Variants in ERG observed in about 807,000 individuals in gnomAD.
The protein encoded by ERG is ETS transcription factor ERG.
A neutral mutation model predicts 55.3 loss-of-function variants in ERG; 9 were observed. The observed-to-expected ratio is 0.16, with a 90% CI of 0.10 to 0.28. The LOEUF is 0.28. Among genes scored for constraint, ERG ranks in the 10% least tolerant of loss-of-function variants. The pLI, the probability that ERG is intolerant of heterozygous loss-of-function variation, is 1.00. For missense variants in ERG, 434 were observed against 631.6 expected (o/e 0.69, Z 3.35); for synonymous variants, 223 against 237.3 (o/e 0.94, Z 0.55).
chr21:38,597,736 T>C (rs2060140898), intron 1 of ERG, among the ~76,000 whole-genome samples: 1 of 152,122 alleles, frequency 6.6e-6, no homozygotes, highest in African/African-American at 2.4e-5. Context: ...AAGTCCTTCC[T>C]TCCTGAAGGG....
At chr21:38,368,335 A>T in the ERG span, among the ~76,000 whole-genome samples, 6 of 152,292 alleles carry the variant, frequency 3.9e-5, no homozygotes, top group Admixed American at 2.6e-4. Context: ...AAATGGAACC[A>T]TATCATATAT....
At chr21:38,621,313 G>A (rs567228227) in intron 1 of ERG, among the ~76,000 whole-genome samples, 48 of 152,316 alleles carry the variant, frequency 3.2e-4, no homozygotes, top group African/African-American at 1.1e-3. Flanking sequence ...AGTAGAGAGC[G>A]CACTTTCCTC....
At chr21:38,585,532 C>CTTTTTTTTTTTTTTTTTTTTTTTT (rs760791568), upstream of ERG, among the ~76,000 whole-genome samples, 87 of 59,274 alleles carry the variant, frequency 1.5e-3, 26 homozygotes, top group Non-Finnish European at 2.0e-3. Flanking sequence ...TCTCTCTCTT[C>CTTTTTTTTTTTTTTTTTTTTTTTT]TTTTTTTTTT....
downstream of ERG, among the ~76,000 whole-genome samples, chr21:38,379,069 T>A (rs2146402582): frequency 6.6e-6 from 1 of 152,344 alleles, no homozygotes; most frequent in South Asian, 2.1e-4. Context: ...TCACATGTGC[T>A]GCTGCTCCAT....
chr21:38,378,023 A>G (rs996685217), downstream of ERG, among the ~76,000 whole-genome samples: 3 of 152,352 alleles, frequency 2.0e-5, no homozygotes, highest in South Asian at 6.2e-4. Flanking sequence ...TTAATCTCCA[A>G]GCAGACTGGA....
intron 3 of ERG, 140 bp from the exon 4 acceptor site, chr21:38,403,849 A>T (rs1988633278): frequency 2.7e-6 from 2 of 730,828 alleles, no homozygotes; most frequent in Non-Finnish European, 4.6e-6. Context: ...GCTACCCAGG[A>T]GAACATTTTG....
At chr21:38,438,586 T>C (rs1057360559) in intron 2 of ERG, among the ~76,000 whole-genome samples, 6 of 152,220 alleles carry the variant, frequency 3.9e-5, no homozygotes, top group Non-Finnish European at 8.8e-5. Context: ...GAGTTATTCA[T>C]GGCATGCAAT....
intron 3 of ERG, among the ~76,000 whole-genome samples, chr21:38,416,789 CAG>C (rs1989299554): frequency 6.6e-6 from 1 of 152,184 alleles, no homozygotes; most frequent in Non-Finnish European, 1.5e-5. Context: ...GCTCCCTTGA[CAG>C]GGCAGATTTT....
At chr21:38,455,875 C>T (rs889509424) in intron 1 of ERG, among the ~76,000 whole-genome samples, 1 of 150,460 alleles carries the variant, frequency 6.6e-6, no homozygotes, top group African/African-American at 2.4e-5. Flanking sequence ...CGGTCCCCCC[C>T]CTCCCCACAG....
rs138788606 is a variant in ERG at position 38,467,619 on chromosome 21, C to T, written c.19-21998G>A. On this transcript the variant is annotated intron_variant, in intron 1 of 9. Coordinates refer to ENST00000288319, the MANE Select transcript of ERG (RefSeq NM_182918.4). Reference sequence around the variant, plus strand: ...AACTGTACATGTGCTCTTGTTAAATCGCCAGTTTCAGAGGACTCAGATCTG... The same window carrying T: ...AACTGTACATGTGCTCTTGTTAAATTGCCAGTTTCAGAGGACTCAGATCTG... Among the ~76,000 whole-genome samples, 11 of 152,230 alleles carry T rather than the reference C, an allele frequency of 7.2e-5. No individual in the cohort carries two copies. The East Asian group carries it at 1.5e-3, about 21-fold the overall frequency.
At chr21:38,459,611 G>A (rs1048680709) in intron 1 of ERG, among the ~76,000 whole-genome samples, 2 of 152,186 alleles carry the variant, frequency 1.3e-5, no homozygotes, top group East Asian at 1.9e-4. Context: ...CCAGGGGTGT[G>A]GGACTGAGTC....
intron 2 of ERG, among the ~76,000 whole-genome samples, chr21:38,539,422 T>A (rs560128225): frequency 2.6e-4 from 39 of 152,354 alleles, no homozygotes; most frequent in Admixed American, 1.1e-3. Context: ...TTCAGATATA[T>A]CCTGGGAGAT....
At chr21:38,368,734 A>G in the ERG span, among the ~76,000 whole-genome samples, 3 of 152,168 alleles carry the variant, frequency 2.0e-5, no homozygotes, top group South Asian at 2.1e-4. Context: ...CCTAGTACCC[A>G]TAAGTTATTT....
chr21:38,607,278 C>T (rs2060201802), intron 1 of ERG, among the ~76,000 whole-genome samples: 1 of 152,020 alleles, frequency 6.6e-6, no homozygotes, highest in South Asian at 2.1e-4. Flanking sequence ...AATTAAAGAG[C>T]TATTAGAGTA....
At chr21:38,597,805 T>TA (rs1381420283) in intron 1 of ERG, among the ~76,000 whole-genome samples, 4 of 152,096 alleles carry the variant, frequency 2.6e-5, no homozygotes, top group African/African-American at 4.8e-5. Flanking sequence ...GTGCACAGAG[T>TA]AAATTACCAA....
At chr21:38,551,820 T>C (rs191829545) in intron 2 of ERG, among the ~76,000 whole-genome samples, 203 of 152,298 alleles carry the variant, frequency 1.3e-3, no homozygotes, top group Non-Finnish European at 2.5e-3. Context: ...ATTGTGTCGT[T>C]GTTGGGTGCA....
chr21:38,549,104 C>T (rs2059807428), intron 2 of ERG, among the ~76,000 whole-genome samples: 1 of 151,950 alleles, frequency 6.6e-6, no homozygotes, highest in Admixed American at 6.6e-5. Context: ...CAGAGCAAGA[C>T]TCTGTCTCAA....
At chr21:38,624,941 T>C (rs1032752343) in intron 1 of ERG, among the ~76,000 whole-genome samples, 4 of 152,168 alleles carry the variant, frequency 2.6e-5, no homozygotes, top group Admixed American at 2.6e-4. Flanking sequence ...ACCTGGCACA[T>C]AGAAAATTTT....
upstream of ERG, among the ~76,000 whole-genome samples, chr21:38,502,787 C>T (rs949631077): frequency 4.8e-5 from 7 of 145,942 alleles, no homozygotes; most frequent in South Asian, 2.1e-4. Context: ...AGTGCAGTGG[C>T]GTGATCTCAG....
Sources: allele counts gnomAD v4.1 joint callset (sites outside exome capture counted in the v4.1 genomes callset), GRCh38; gene constraint gnomAD v4.1.1; transcripts MANE v1.5; gene names NCBI Gene and HGNC (gene_info 2026-07-23, HGNC 2026-07-21).